The following PTPN3 variants were observed in gnomAD, a reference collection of about 807,000 sequenced individuals.
PTPN3 encodes tyrosine-protein phosphatase non-receptor type 3.
PTPN3 carries 96 observed loss-of-function variants against 132.7 expected under a neutral mutation model. The ratio of observed to expected loss-of-function variants is 0.72; its 90% CI spans 0.61 to 0.86. The LOEUF (loss-of-function observed/expected upper bound fraction) is 0.86, where lower values mean the gene tolerates loss of function less well. Among genes scored for constraint, PTPN3 ranks in the 40% least tolerant of loss-of-function variants. PTPN3 has a pLI of 0.00. For missense variants in PTPN3, 1,125 were observed against 1,159.6 expected (o/e 0.97, Z 0.43); for synonymous variants, 398 against 429.0 (o/e 0.93, Z 0.89).
At chr9:109,428,804 C>T in intron 10 of PTPN3, 120 bp from the exon 11 acceptor site, 2 of 1,448,978 alleles carry the variant, frequency 1.4e-6, no homozygotes, top group Non-Finnish European at 1.8e-6. Context: ...TCTTGGCTGC[C>T]TAGAGTTTAC....
At chr9:109,510,572 A>ATATATAT in the PTPN3 span, among the ~76,000 whole-genome samples, 3 of 55,210 alleles carry the variant, frequency 5.4e-5, no homozygotes, top group Non-Finnish European at 1.1e-4. Context: ...AAAAAAAAAA[A>ATATATAT]AAAAATATAT....
chr9:109,515,636 T>C, the PTPN3 span, among the ~76,000 whole-genome samples: 1 of 152,210 alleles, frequency 6.6e-6, no homozygotes, highest in Non-Finnish European at 1.5e-5. Context: ...AGAAACATGA[T>C]GCCAGCATCT....
At chr9:109,461,535 C>T (rs149786770) in intron 2 of PTPN3, among the ~76,000 whole-genome samples, 236 of 152,186 alleles carry the variant, frequency 1.6e-3, no homozygotes, top group Non-Finnish European at 2.4e-3. Flanking sequence ...GTGGGAGGGT[C>T]GCCTGAGCTC....
At chr9:109,494,296 C>T (rs1444121275) in intron 1 of PTPN3, among the ~76,000 whole-genome samples, 1 of 152,180 alleles carries the variant, frequency 6.6e-6, no homozygotes, top group East Asian at 1.9e-4. Flanking sequence ...CATAGTAAGA[C>T]TTTGTCTCCA....
At chr9:109,425,677 G>A (rs1360250011) in intron 12 of PTPN3, among the ~76,000 whole-genome samples, 5 of 147,290 alleles carry the variant, frequency 3.4e-5, no homozygotes, top group African/African-American at 1.0e-4. Flanking sequence ...CTCTAGCCTG[G>A]GCGACAGAGT....
At chr9:109,382,839 T>C (rs1337371119) in intron 23 of PTPN3, among the ~76,000 whole-genome samples, 3 of 151,714 alleles carry the variant, frequency 2.0e-5, no homozygotes, top group Admixed American at 6.6e-5. Flanking sequence ...TTCAGCGGCA[T>C]TGAGAATACT....
chr9:109,412,573 C>T (rs555202013), intron 14 of PTPN3, among the ~76,000 whole-genome samples: 15 of 152,156 alleles, frequency 9.9e-5, no homozygotes, highest in South Asian at 4.1e-4. Flanking sequence ...CAGGGTTTCA[C>T]CATGTTGGCC....
chr9:109,422,849 C>A lies in PTPN3; in HGVS notation c.1005G>T (p.Ser335=), dbSNP rs774110577. The change falls in exon 13 of 26, where the codon TCG becomes TCT. Residue 335 remains serine, a synonymous_variant. Transcript: ENST00000374541. The part of the protein sequence containing the change: ...WTMGSRNTKK[S]VNNQYCKKVI... ...CCTTTTTGCAATATTGGTTATTTACCGACCTGAAAAACCAGATGCAGGTTC... is the reference window on the plus strand; with the variant it reads ...CCTTTTTGCAATATTGGTTATTTACAGACCTGAAAAACCAGATGCAGGTTC... 1 of 1,612,582 alleles carries A rather than the reference C, an allele frequency of 6.2e-7. No individual in the cohort carries two copies. Among genetic ancestry groups the A allele is most frequent in the Non-Finnish European group, 8.5e-7 (1 of 1,179,128 alleles).
At chr9:109,486,435 T>C (rs1847212335) in intron 1 of PTPN3, among the ~76,000 whole-genome samples, 1 of 151,780 alleles carries the variant, frequency 6.6e-6, no homozygotes, top group Non-Finnish European at 1.5e-5. Context: ...AGAACTCAGT[T>C]TGGGTGGAGT....
rs149205761 is a variant in PTPN3 at position 109,497,332 on chromosome 9, C to T, written c.-18+887G>A. On this transcript the variant is annotated intron_variant, in intron 1 of 25. Coordinates refer to ENST00000374541, the MANE Select transcript of PTPN3 (RefSeq NM_002829.4). ...TGCCAAACACCTCCACATAATTTAT[C>T]CCACTTAATCCACTCAACAACCCAG... is the stretch of plus-strand genomic sequence containing the variant. Among the ~76,000 whole-genome samples the T allele has an allele frequency of 4.6e-5, 7 of 152,276 alleles. No individual in the cohort carries two copies. In the East Asian group the frequency reaches 1.4e-3, roughly 29 times the overall value.
At chr9:109,506,560 TTTCC>T in the PTPN3 span, among the ~76,000 whole-genome samples, 4 of 148,064 alleles carry the variant, frequency 2.7e-5, no homozygotes, top group Admixed American at 6.8e-5. Flanking sequence ...TCCTCCCTCC[TTTCC>T]TTCCTTCCTT....
At position 109,395,736 on chromosome 9, in the gene PTPN3, A is replaced by G. The variant is rs1588316150; in HGVS notation, c.1954-4175T>C. On this transcript the variant is annotated intron_variant, in intron 19 of 25. Coordinates refer to ENST00000374541, the MANE Select transcript of PTPN3 (RefSeq NM_002829.4). ...TGGGAGGTGGAGGTTGCAGTGAGCCAATATTGTGCCACTGCACTCCATCCT... is the reference window on the plus strand; with the variant it reads ...TGGGAGGTGGAGGTTGCAGTGAGCCGATATTGTGCCACTGCACTCCATCCT... Among the ~76,000 whole-genome samples, 5 of 150,574 alleles carry G rather than the reference A, an allele frequency of 3.3e-5. 1 individual carries two copies. The South Asian group carries it at 6.6e-4, about 20-fold the overall frequency.
At chr9:109,491,795 G>T (rs1478236779) in intron 1 of PTPN3, among the ~76,000 whole-genome samples, 2 of 152,208 alleles carry the variant, frequency 1.3e-5, no homozygotes, top group African/African-American at 4.8e-5. Context: ...AAGGTCCCAG[G>T]CTCTTGCAGT....
intron 5 of PTPN3, chr9:109,450,276 T>C (rs1278562044): frequency 1.0e-6 from 1 of 985,280 alleles, no homozygotes; most frequent in Non-Finnish European, 1.2e-6. Context: ...CTTTTCCACC[T>C]AGGAGAACAT....
the PTPN3 span, among the ~76,000 whole-genome samples, chr9:109,504,418 G>T: frequency 6.6e-6 from 1 of 152,190 alleles, no homozygotes; most frequent in Non-Finnish European, 1.5e-5. Context: ...TTCCCTTGGG[G>T]TGGTCAGTTG....
chr9:109,459,842 G>A (rs1845752393), intron 2 of PTPN3, among the ~76,000 whole-genome samples: 1 of 152,028 alleles, frequency 6.6e-6, no homozygotes, highest in African/African-American at 2.4e-5. Context: ...CCGCCTCCCT[G>A]GCTGGTCCTT....
chr9:109,486,630 G>A (rs759871920), intron 1 of PTPN3, among the ~76,000 whole-genome samples: 5 of 152,148 alleles, frequency 3.3e-5, no homozygotes, highest in Non-Finnish European at 7.4e-5. Context: ...GAAATGCAGA[G>A]GAGGGGCCTG....
At chr9:109,499,070 A>T (rs938941303), upstream of PTPN3, among the ~76,000 whole-genome samples, 1 of 150,422 alleles carries the variant, frequency 6.6e-6, no homozygotes, top group Non-Finnish European at 1.5e-5. Flanking sequence ...TTGAGCACCT[A>T]TTCTGGTTTT....
chr9:109,521,682 T>C, the PTPN3 span, among the ~76,000 whole-genome samples: 2 of 152,242 alleles, frequency 1.3e-5, no homozygotes, highest in African/African-American at 4.8e-5. Context: ...AAAATACTTA[T>C]CAAACTATAT....
Sources: gnomAD v4.1 joint callset for allele counts (sites outside exome capture counted in the v4.1 genomes callset) on GRCh38, gnomAD v4.1.1 for gene constraint, MANE v1.5 for transcripts, NCBI Gene and HGNC (gene_info 2026-07-23, HGNC 2026-07-21) for gene names.